MMP26: variants seen among roughly 807,000 people sequenced by gnomAD.
The protein encoded by MMP26 is matrix metalloproteinase-26.
A neutral mutation model predicts 31.0 loss-of-function variants in MMP26; 33 were observed. The ratio of observed to expected loss-of-function variants is 1.06; its 90% confidence interval spans 0.81 to 1.42. MMP26 has a LOEUF of 1.42. Ranked by LOEUF, MMP26 falls within the 40% of genes most tolerant of loss-of-function variation. The pLI, the probability that MMP26 is intolerant of heterozygous loss-of-function variation, is 0.00. For synonymous variants in MMP26, 122 were observed against 114.9 expected, an observed-to-expected ratio of 1.06 and a Z score of -0.40; for missense variants, 347 against 316.1, an observed-to-expected ratio of 1.10 and a Z score of -0.74.
At chr11:4,819,372 T>C (rs1849462504) in intron 2 of MMP26, among the ~76,000 whole-genome samples, 1 of 151,582 alleles carries the variant, frequency 6.6e-6, no homozygotes, top group Non-Finnish European at 1.5e-5. Context: ...AAATATAAGG[T>C]TGGAAAACAT....
chr11:4,881,956 C>T (rs1040670724), intron 2 of MMP26: 3 of 1,613,906 alleles, frequency 1.9e-6, no homozygotes, highest in Admixed American at 1.7e-5. Context: ...TCACTGCATT[C>T]CCTGGGCTGG....
chr11:4,710,796 G>T (rs1198648636), intron 1 of MMP26: 1 of 201,104 alleles, frequency 5.0e-6, no homozygotes, highest in Non-Finnish European at 1.0e-5. Flanking sequence ...GTCATACTTG[G>T]AGTTTAGGAG....
chr11:4,848,313 T>C (rs894481683), intron 2 of MMP26: 6 of 1,613,974 alleles, frequency 3.7e-6, no homozygotes, highest in South Asian at 1.1e-5. Context: ...CTTGACACTA[T>C]AGAGAATAGG....
rs544823344 is a variant in MMP26, at chr11:4,819,559, T to A, written c.-145+52218T>A. 2.6e-3 allele frequency among the ~76,000 whole-genome samples: 361 copies of A among 138,430 alleles called. 3 individuals carry two copies. The highest frequency in any genetic ancestry group is 3.3e-3 in the Non-Finnish European group (214 of 65,572). 90.8% of individuals were successfully genotyped at this position (138,430 alleles called of 152,430 possible). A position where few individuals can be genotyped will look rare whatever the true frequency, so the allele number is the denominator to read the frequency against. On this transcript the variant is annotated intron_variant, in intron 2 of 7. Coordinates refer to ENST00000380390, the MANE Select transcript of MMP26 (RefSeq NM_021801.5). ...AGAATGAGATGGTCACTGAAATGAG[T>A]CGACTGATTTTTTTTTTTTTTTTTT...
chr11:4,790,568 C>T (rs1050271925), intron 2 of MMP26, among the ~76,000 whole-genome samples: 2 of 152,056 alleles, frequency 1.3e-5, no homozygotes, highest in Admixed American at 6.5e-5. Flanking sequence ...TAAGTACTGG[C>T]AATTGTATGA....
chr11:4,867,431 C>T (rs2133521571), intron 2 of MMP26, among the ~76,000 whole-genome samples: 1 of 137,636 alleles, frequency 7.3e-6, no homozygotes, highest in East Asian at 2.1e-4. Flanking sequence ...CTCTCTGTTG[C>T]CCAGGCTGGA....
chr11:4,757,600 T>C (rs1848520402), intron 1 of MMP26, among the ~76,000 whole-genome samples: 1 of 149,454 alleles, frequency 6.7e-6, no homozygotes, highest in Admixed American at 6.6e-5. Context: ...AAGAACTCAA[T>C]AAAGAGACAA....
intron 2 of MMP26, among the ~76,000 whole-genome samples, chr11:4,818,406 T>C (rs989068070): frequency 3.3e-5 from 5 of 152,206 alleles, no homozygotes; most frequent in Non-Finnish European, 2.9e-5. Context: ...AGTCATTATA[T>C]TTAAAGTTAT....
At chr11:4,779,360 G>A (rs907448988) in intron 2 of MMP26, among the ~76,000 whole-genome samples, 6 of 151,918 alleles carry the variant, frequency 3.9e-5, no homozygotes, top group African/African-American at 1.4e-4. Flanking sequence ...TACGTTGCAC[G>A]ATTTTTAAAT....
At chr11:4,956,589 G>A (rs1397532912) in intron 2 of MMP26, among the ~76,000 whole-genome samples, 1 of 152,196 alleles carries the variant, frequency 6.6e-6, no homozygotes, top group African/African-American at 2.4e-5. Context: ...TCTAAGCAGA[G>A]ATGCTATGAG....
At chr11:4,907,082 G>A (rs528459824) in intron 2 of MMP26, among the ~76,000 whole-genome samples, 1 of 28,108 alleles carries the variant, frequency 3.6e-5, no homozygotes, top group African/African-American at 1.4e-4. Context: ...GGCAACAAGA[G>A]CAAAACTCCC....
chr11:4,770,967 G>A (rs190307344), intron 2 of MMP26, among the ~76,000 whole-genome samples: 12 of 152,264 alleles, frequency 7.9e-5, no homozygotes, highest in African/African-American at 2.4e-4. Flanking sequence ...AGCCATTAGC[G>A]ATCCCAGAAA....
intron 2 of MMP26, among the ~76,000 whole-genome samples, chr11:4,985,180 C>G (rs200888425): frequency 5.4e-5 from 2 of 37,220 alleles, no homozygotes; most frequent in African/African-American, 1.2e-4. Context: ...AAAACTTAGT[C>G]AGATATAGAT....
chr11:4,822,195 C>G (rs1849517790), intron 2 of MMP26: 2 of 1,600,500 alleles, frequency 1.2e-6, no homozygotes, highest in South Asian at 2.3e-5. Context: ...TCCCTCTCAT[C>G]AGTTTGTCTC....
At chr11:4,880,711 T>C (rs1189136806) in intron 2 of MMP26, among the ~76,000 whole-genome samples, 1 of 152,176 alleles carries the variant, frequency 6.6e-6, no homozygotes, top group Non-Finnish European at 1.5e-5. Flanking sequence ...CCAATATCAG[T>C]TGTGCCTCAT....
At chr11:4,756,746 C>G (rs1848508846) in intron 1 of MMP26, 1 of 150,520 alleles carries the variant, frequency 6.6e-6, no homozygotes, top group African/African-American at 2.4e-5. Context: ...AGTAACATGA[C>G]AAAGGTCTTT....
chr11:4,798,203 G>C (rs536894984), intron 2 of MMP26, among the ~76,000 whole-genome samples: 1 of 152,232 alleles, frequency 6.6e-6, no homozygotes, highest in Non-Finnish European at 1.5e-5. Flanking sequence ...TGGGGATGGG[G>C]TGAAGGGAAG....
chr11:4,804,358 C>G, intron 2 of MMP26: 1 of 1,614,156 alleles, frequency 6.2e-7, no homozygotes, highest in Non-Finnish European at 8.5e-7. Flanking sequence ...ATGAGAAGAG[C>G]TGTTCCCTGA....
intron 2 of MMP26, chr11:4,915,351 G>A: frequency 6.2e-7 from 1 of 1,613,984 alleles, no homozygotes; most frequent in Non-Finnish European, 8.5e-7. Flanking sequence ...AAAAAGAGCT[G>A]AGCAAAGCAG....
Sources: allele counts gnomAD v4.1 joint callset (sites outside exome capture counted in the v4.1 genomes callset), GRCh38; gene constraint gnomAD v4.1.1; transcripts MANE v1.5; gene names NCBI Gene and HGNC (gene_info 2026-07-23, HGNC 2026-07-21).